The following TRPM8 variants were observed in gnomAD, a reference collection of about 807,000 sequenced individuals.
TRPM8 encodes TRPM8 cationic channel.
Under a neutral mutation model 133.7 loss-of-function variants are expected in TRPM8, and 110 were observed. The observed-to-expected ratio is 0.82, with a 90% CI of 0.70 to 0.96. The LOEUF is 0.96. Among genes scored for constraint, TRPM8 ranks in the 40% least tolerant of loss-of-function variants. The pLI, the probability that TRPM8 is intolerant of heterozygous loss-of-function variation, is 0.00. For synonymous variants in TRPM8, 535 were observed against 532.3 expected, an observed-to-expected ratio of 1.01 and a Z score of -0.07; for missense variants, 1,291 against 1,379.5, an observed-to-expected ratio of 0.94 and a Z score of 1.02.
chr2:233,928,899 G>A (rs1460765965), intron 2 of TRPM8, among the ~76,000 whole-genome samples: 1 of 151,556 alleles, frequency 6.6e-6, no homozygotes, highest in Non-Finnish European at 1.5e-5. Flanking sequence ...TTTATGACTT[G>A]AGTATATGTA....
chr2:233,954,962 T>G, intron 10 of TRPM8, 170 bp from the exon 11 acceptor site: 1 of 555,806 alleles, frequency 1.8e-6, no homozygotes. Context: ...ATACAGAATG[T>G]GGTTAAGAAT....
intron 3 of TRPM8, among the ~76,000 whole-genome samples, chr2:233,935,340 A>T (rs1691769586): frequency 6.6e-6 from 1 of 152,164 alleles, no homozygotes; most frequent in Non-Finnish European, 1.5e-5. Flanking sequence ...CTGCACAAGG[A>T]TGCTGGGGTG....
In TRPM8 at chr2:234,008,104, G is replaced by T. The variant is rs748542886; in HGVS notation, c.3264+1G>T. The T allele has an allele frequency of 1.3e-6, 2 of 1,596,750 alleles. No homozygotes were observed. The highest frequency in any genetic ancestry group is 1.2e-5 in the South Asian group (1 of 86,160). The stretch of plus-strand genomic sequence containing the variant: ...TCGATTTAGACAACTGGATACAAAG[G>T]TATGGTTCTGTTAATAGTTTGGATT... On this transcript the variant is annotated splice_donor_variant, in intron 24 of 25. Transcript: ENST00000324695. LOFTEE classifies it high-confidence loss of function.
intron 6 of TRPM8, among the ~76,000 whole-genome samples, chr2:233,945,298 T>C (rs79772848): frequency 1.3e-5 from 2 of 152,212 alleles, no homozygotes; most frequent in Non-Finnish European, 2.9e-5. Context: ...TCTGGTATTT[T>C]GGGAACAAAG....
chr2:233,934,808 C>T (rs541348090), intron 3 of TRPM8, among the ~76,000 whole-genome samples: 1 of 152,350 alleles, frequency 6.6e-6, no homozygotes, highest in Admixed American at 6.5e-5. Context: ...TGCTTCTGGA[C>T]TGGTCATAAA....
intron 2 of TRPM8, among the ~76,000 whole-genome samples, chr2:233,929,432 C>A (rs1574693176): frequency 6.6e-6 from 1 of 152,326 alleles, no homozygotes; most frequent in African/African-American, 2.4e-5. Flanking sequence ...GGACATCCCC[C>A]TTTGCAGTGC....
chr2:233,978,400 C>T (rs1197506819), intron 17 of TRPM8, among the ~76,000 whole-genome samples: 1 of 152,088 alleles, frequency 6.6e-6, no homozygotes, highest in Non-Finnish European at 1.5e-5. Flanking sequence ...TTACATCAAA[C>T]CTGAGATGTC....
At chr2:233,987,972 C>CTTTT (rs58639039) in intron 21 of TRPM8, among the ~76,000 whole-genome samples, 2 of 140,940 alleles carry the variant, frequency 1.4e-5, no homozygotes, top group African/African-American at 2.6e-5. Context: ...CATTAAACCT[C>CTTTT]TTTTTTTTTT....
chr2:233,926,656 T>A lies in TRPM8; in HGVS notation c.117+2T>A. 1 of 1,609,244 alleles carries A rather than the reference T, an allele frequency of 6.2e-7. No homozygotes were observed. On this transcript the variant is annotated splice_donor_variant, in intron 2 of 25. Transcript: ENST00000324695. LOFTEE classifies it high-confidence loss of function. ...ACAGACTTGTCTTACAGTGAAAGCG[T>A]AAGTCATGCGCATCACCTGTTTGAA...
In TRPM8 at chr2:233,963,328, G is replaced by T. The variant is rs1311701008; in HGVS notation, c.1700G>T (p.Trp567Leu). 1.2e-6 allele frequency: 2 copies of T among 1,613,274 alleles called. No homozygotes were observed. Among genetic ancestry groups the T allele is most frequent in the Non-Finnish European group, 1.7e-6 (2 of 1,179,690 alleles). The change falls in exon 13 of 26, where the codon TGG (tryptophan) becomes TTG (leucine). Residue 567 changes from tryptophan to leucine, a missense_variant. By Grantham distance (61) the Trp-to-Leu change is moderately conservative. Coordinates refer to ENST00000324695, the MANE Select transcript of TRPM8 (RefSeq NM_024080.5). ...CACCCCCTGCAAGCTCTCTTCATCTGGGCCATTCTTCAGAATAAGAAGGAA... is the reference window on the plus strand; with the variant it reads ...CACCCCCTGCAAGCTCTCTTCATCTTGGCCATTCTTCAGAATAAGAAGGAA... Reference protein sequence around the residue: ...TRHPLQALFIWAILQNKKELS... With the variant: ...TRHPLQALFILAILQNKKELS...
chr2:233,979,611 G>GACCAT (rs1279940147), intron 17 of TRPM8, among the ~76,000 whole-genome samples: 6 of 152,178 alleles, frequency 3.9e-5, no homozygotes, highest in Non-Finnish European at 7.3e-5. Context: ...AAAGAATCAT[G>GACCAT]ACCAATACAT....
At chr2:233,931,288 G>C (rs11563132) in intron 3 of TRPM8, among the ~76,000 whole-genome samples, 18 of 152,156 alleles carry the variant, frequency 1.2e-4, no homozygotes, top group Non-Finnish European at 2.5e-4. Flanking sequence ...TGAATGGGTC[G>C]ACTAGTGCTC....
chr2:233,967,843 T>C (rs1185095444), intron 15 of TRPM8, among the ~76,000 whole-genome samples: 1 of 152,078 alleles, frequency 6.6e-6, no homozygotes, highest in Non-Finnish European at 1.5e-5. Flanking sequence ...GGTCACACTC[T>C]ACTTATGTCT....
chr2:233,984,028 C>T (rs1385202261), intron 20 of TRPM8, among the ~76,000 whole-genome samples: 3 of 152,190 alleles, frequency 2.0e-5, no homozygotes, highest in African/African-American at 7.2e-5. Flanking sequence ...CCAGTCTGCA[C>T]ACTGTGCCTG....
chr2:233,963,491 T>A, intron 13 of TRPM8, 114 bp downstream of exon 13: 1 of 639,352 alleles, frequency 1.6e-6, no homozygotes, highest in Non-Finnish European at 2.7e-6. Context: ...AAATGGGATG[T>A]CTGAGTTCAG....
rs1357785597 is a variant in TRPM8 at position 234,017,372 on chromosome 2, A to G, written c.*116A>G. 1 of 471,160 alleles carries G rather than the reference A, an allele frequency of 2.1e-6. No homozygotes were observed. Among genetic ancestry groups the G allele is most frequent in the Non-Finnish European group, 4.4e-6 (1 of 227,096 alleles). The allele number at this position is 471,160 out of a possible 1,614,324, so 29.2% of individuals were successfully genotyped here. On this transcript the variant is annotated 3_prime_UTR_variant, in exon 26 of 26. Coordinates refer to ENST00000324695, the MANE Select transcript of TRPM8 (RefSeq NM_024080.5). ...GAGAGATTTTCAGACCCCTGGGTAC[A>G]TGGTGGATGATTTTAAATCACCCTA...
At chr2:233,969,616 C>T (rs774139164) in intron 15 of TRPM8, 79 bp from the exon 16 acceptor site, 11 of 826,814 alleles carry the variant, frequency 1.3e-5, no homozygotes, top group Admixed American at 3.6e-5. Flanking sequence ...AAGTGTGGGG[C>T]GGGGAAGAAA....
At chr2:234,005,338 A>G (rs72974155) in intron 22 of TRPM8, among the ~76,000 whole-genome samples, 2,520 of 152,300 alleles carry the variant, frequency 0.017, 38 homozygotes, top group Non-Finnish European at 0.028. Context: ...CATCATTTCA[A>G]TCAGCATTTC....
chr2:233,990,052 C>A (rs1475797815), intron 21 of TRPM8, among the ~76,000 whole-genome samples: 1 of 152,126 alleles, frequency 6.6e-6, no homozygotes, highest in Non-Finnish European at 1.5e-5. Context: ...CTGATACAAA[C>A]TAAAGGTTTG....
Sources: allele counts gnomAD v4.1 joint callset (sites outside exome capture counted in the v4.1 genomes callset), GRCh38; gene constraint gnomAD v4.1.1; transcripts MANE v1.5; gene names NCBI Gene and HGNC (gene_info 2026-07-23, HGNC 2026-07-21).